ME1: variants seen among roughly 807,000 people sequenced by gnomAD.
The protein encoded by ME1 is NADP-dependent malic enzyme.
A neutral mutation model predicts 66.4 loss-of-function variants in ME1; 74 were observed. That is an observed-to-expected ratio of 1.11 (90% CI 0.92 to 1.35). ME1 has a LOEUF of 1.35. Ranked by LOEUF, ME1 falls within the 40% of genes most tolerant of loss-of-function variation. The probability of loss-of-function intolerance (pLI) is 0.00; values close to 1 mark genes in which losing one functional copy is unlikely to be tolerated. For synonymous variants in ME1, 251 were observed against 235.6 expected (o/e 1.07, Z -0.60); for missense variants, 750 against 694.1 (o/e 1.08, Z -0.90).
intron 8 of ME1, among the ~76,000 whole-genome samples, chr6:83,238,799 AATATAT>A (rs34022791): frequency 7.2e-6 from 1 of 139,290 alleles, no homozygotes; most frequent in Non-Finnish European, 1.6e-5. Flanking sequence ...TTTCTTGAAA[AATATAT>A]ATATATATAT....
Position 83,430,970 on chromosome 6 carries a change from C to T in ME1, c.-16G>A, listed in dbSNP as rs370825643. On this transcript the variant is annotated 5_prime_UTR_variant, in exon 1 of 14. Transcript: ENST00000369705. ...CGGGCTCCATGGCTGGCGCCGGGTT[C>T]GGCGGCGGGGTCAGGCCGGGGCGGG... is the stretch of plus-strand genomic sequence containing the variant. 1.0e-5 allele frequency: 16 copies of T among 1,531,704 alleles called. No homozygotes were observed. Among genetic ancestry groups the T allele is most frequent in the Middle Eastern group, 1.8e-4 (1 of 5,702 alleles). 94.9% of individuals were successfully genotyped at this position (1,531,704 alleles called of 1,614,324 possible).
intron 3 of ME1, chr6:83,392,649 G>T (rs1769644234): frequency 5.1e-6 from 3 of 589,668 alleles, no homozygotes; most frequent in Admixed American, 3.7e-5. Context: ...CTATTTTCCA[G>T]GGGCAAGATC....
At chr6:83,298,414 G>GT (rs963287305) in intron 6 of ME1, among the ~76,000 whole-genome samples, 16 of 150,596 alleles carry the variant, frequency 1.1e-4, no homozygotes, top group East Asian at 3.9e-4. Flanking sequence ...GGGGCTGTGT[G>GT]TTTTTTTTTA....
intron 7 of ME1, among the ~76,000 whole-genome samples, chr6:83,241,309 A>G (rs1034490034): frequency 9.2e-5 from 14 of 152,184 alleles, no homozygotes; most frequent in Admixed American, 7.2e-4. Context: ...CTGAGATTCT[A>G]TGATTTTAAG....
At chr6:83,237,260 A>AAAGAAAGAAAGCCG (rs1790420422) in intron 9 of ME1, among the ~76,000 whole-genome samples, 1 of 104,708 alleles carries the variant, frequency 9.6e-6, no homozygotes, top group Non-Finnish European at 1.9e-5. Context: ...AGAAAGAAAG[A>AAAGAAAGAAAGCCG]AAGAAAGAAA....
chr6:83,294,975 C>G (rs532881089), intron 6 of ME1, among the ~76,000 whole-genome samples: 11 of 152,188 alleles, frequency 7.2e-5, no homozygotes, highest in Admixed American at 5.2e-4. Context: ...CGGAGTGCCA[C>G]ACTGCGATCT....
At position 83,316,720 on chromosome 6, in the gene ME1, C is replaced by T. The variant is rs139759582; in HGVS notation, c.601-1307G>A. 6.2e-3 allele frequency among the ~76,000 whole-genome samples: 943 copies of T among 151,940 alleles called. 10 individuals are homozygous for T. Among genetic ancestry groups the T allele is most frequent in the African/African-American group, 0.022 (900 of 41,484 alleles). On this transcript the variant is annotated intron_variant, in intron 5 of 13. Transcript: ENST00000369705. ...AGTAGAAAAAAATACATGAATTTAA[C>T]ACAATCACAGTTTATAAAGTAAATA...
At chr6:83,271,768 G>A (rs1767085826) in intron 6 of ME1, among the ~76,000 whole-genome samples, 1 of 152,044 alleles carries the variant, frequency 6.6e-6, no homozygotes, top group South Asian at 2.1e-4. Flanking sequence ...ACCAAGGAAT[G>A]TAAAGACATA....
At chr6:83,388,301 G>C (rs1022111057) in intron 3 of ME1, among the ~76,000 whole-genome samples, 1 of 152,048 alleles carries the variant, frequency 6.6e-6, no homozygotes, top group African/African-American at 2.4e-5. Context: ...GCCCAGGCTG[G>C]TCTTGAACTC....
intron 5 of ME1, among the ~76,000 whole-genome samples, chr6:83,341,591 A>T (rs1210692963): frequency 2.0e-5 from 3 of 152,216 alleles, no homozygotes; most frequent in Non-Finnish European, 2.9e-5. Context: ...TTACTAGTAT[A>T]CATTTTTACA....
intron 6 of ME1, among the ~76,000 whole-genome samples, chr6:83,272,225 G>T (rs536703125): frequency 6.6e-6 from 1 of 152,090 alleles, no homozygotes; most frequent in East Asian, 1.9e-4. Context: ...CCTTAACAGG[G>T]CTACCAAATA....
intron 5 of ME1, among the ~76,000 whole-genome samples, chr6:83,332,375 T>C (rs1412745449): frequency 1.3e-5 from 2 of 152,160 alleles, no homozygotes. Flanking sequence ...AAAGTAGATC[T>C]ACTATTCAAT....
chr6:83,229,205 T>A lies in ME1; in HGVS notation c.1027-274A>T, dbSNP rs1278737859. The A allele has an allele frequency of 6.0e-6, 3 of 499,614 alleles. No homozygotes were observed. The East Asian group carries it at 1.6e-4, about 27-fold the overall frequency. The allele number at this position is 499,614 out of a possible 1,614,324, so 30.9% of individuals were successfully genotyped here. A position where few individuals can be genotyped will look rare whatever the true frequency, so the allele number is the denominator to read the frequency against. ...ATTAAAAATCCTAATTTTACAGACATGTGAGAACTAGCATTAACAAATGGC... is the reference window on the plus strand; with the variant it reads ...ATTAAAAATCCTAATTTTACAGACAAGTGAGAACTAGCATTAACAAATGGC... On this transcript the variant is annotated intron_variant, in intron 9 of 13. Coordinates refer to ENST00000369705, the MANE Select transcript of ME1 (RefSeq NM_002395.6).
At chr6:83,299,257 T>G (rs1298013884) in intron 6 of ME1, among the ~76,000 whole-genome samples, 1 of 152,100 alleles carries the variant, frequency 6.6e-6, no homozygotes, top group African/African-American at 2.4e-5. Context: ...GTTTTCCATT[T>G]GTTTGTGTCA....
chr6:83,351,870 A>C (rs1051347704), intron 4 of ME1, among the ~76,000 whole-genome samples, 194 bp downstream of exon 4: 1 of 152,190 alleles, frequency 6.6e-6, no homozygotes, highest in African/African-American at 2.4e-5. Context: ...TAATAGGAAA[A>C]CTTAGTATCT....
chr6:83,341,182 G>C (rs1253109002), intron 5 of ME1, among the ~76,000 whole-genome samples: 2 of 152,058 alleles, frequency 1.3e-5, no homozygotes, highest in African/African-American at 4.8e-5. Flanking sequence ...ATAAAACTCT[G>C]AACAGTGGGA....
chr6:83,292,878 C>G (rs187207701), intron 6 of ME1, among the ~76,000 whole-genome samples: 2 of 152,236 alleles, frequency 1.3e-5, no homozygotes, highest in African/African-American at 2.4e-5. Context: ...GCCAAGCTCC[C>G]GCATCCCAGG....
intron 1 of ME1, among the ~76,000 whole-genome samples, chr6:83,423,458 AT>A (rs140173055): frequency 5.2e-4 from 79 of 152,258 alleles, no homozygotes; most frequent in African/African-American, 1.8e-3. Flanking sequence ...ACTCTAATAG[AT>A]TATCCTTTCC....
At chr6:83,253,497 G>T in intron 7 of ME1, 132 bp downstream of exon 7, 1 of 502,978 alleles carries the variant, frequency 2.0e-6, no homozygotes. Context: ...GAAATAGTAT[G>T]TGACATCAGC....
Sources: gnomAD v4.1 joint callset for allele counts (sites outside exome capture counted in the v4.1 genomes callset) on GRCh38, gnomAD v4.1.1 for gene constraint, MANE v1.5 for transcripts, NCBI Gene and HGNC (gene_info 2026-07-23, HGNC 2026-07-21) for gene names.